Variants in NEGR1 observed in about 807,000 individuals in gnomAD.
NEGR1 encodes the protein neuronal growth regulator 1.
A neutral mutation model predicts 40.9 loss-of-function variants in NEGR1; 10 were observed. The observed-to-expected ratio is 0.24, with a 90% CI of 0.15 to 0.42. NEGR1 has a LOEUF of 0.42. Among genes scored for constraint, NEGR1 ranks in the 10% least tolerant of loss-of-function variants. The pLI is 1.00. For synonymous variants in NEGR1, 185 were observed against 166.8 expected (o/e 1.11, Z -0.84); for missense variants, 352 against 438.9 (o/e 0.80, Z 1.77).
intron 1 of NEGR1, among the ~76,000 whole-genome samples, chr1:72,164,003 T>C (rs753430134): frequency 4.0e-5 from 6 of 149,834 alleles, no homozygotes; most frequent in Non-Finnish European, 1.5e-5. Context: ...CTTGCATACA[T>C]CTTCAGACAA....
chr1:71,614,996 A>C (rs967475203), intron 4 of NEGR1, among the ~76,000 whole-genome samples: 3 of 152,206 alleles, frequency 2.0e-5, no homozygotes, highest in Non-Finnish European at 4.4e-5. Context: ...AATATGCATA[A>C]GAAAAAGTCC....
At chr1:71,807,483 A>G (rs894844331) in intron 2 of NEGR1, among the ~76,000 whole-genome samples, 2 of 152,216 alleles carry the variant, frequency 1.3e-5, no homozygotes, top group African/African-American at 4.8e-5. Flanking sequence ...AAACAGAAAT[A>G]GTAGACAGTG....
intron 6 of NEGR1, among the ~76,000 whole-genome samples, chr1:71,513,708 C>T (rs1647093579): frequency 6.6e-6 from 1 of 152,136 alleles, no homozygotes; most frequent in Admixed American, 6.6e-5. Flanking sequence ...AGAGGAGGAG[C>T]CAAGATGGCC....
At chr1:72,182,111 T>C (rs1199875589) in intron 1 of NEGR1, among the ~76,000 whole-genome samples, 1 of 152,204 alleles carries the variant, frequency 6.6e-6, no homozygotes, top group Non-Finnish European at 1.5e-5. Flanking sequence ...ATATATTAAC[T>C]TGCTTTAGTA....
intron 2 of NEGR1, among the ~76,000 whole-genome samples, chr1:71,928,435 T>TGTGTGTATATATAC (rs1557439281): frequency 1.1e-4 from 9 of 80,118 alleles, no homozygotes; most frequent in Admixed American, 7.2e-4. Context: ...TATGTATATA[T>TGTGTGTATATATAC]ACACATATAT....
At chr1:71,543,174 G>GA (rs1287287524) in intron 6 of NEGR1, among the ~76,000 whole-genome samples, 1 of 151,518 alleles carries the variant, frequency 6.6e-6, no homozygotes, top group Non-Finnish European at 1.5e-5. Context: ...CTAGATAAAT[G>GA]AAAAAACACA....
intron 1 of NEGR1, among the ~76,000 whole-genome samples, chr1:72,020,852 T>C (rs1195145645): frequency 6.6e-6 from 1 of 152,196 alleles, no homozygotes; most frequent in Non-Finnish European, 1.5e-5. Flanking sequence ...TATATAATTA[T>C]AGTGGAAGAT....
At chr1:72,097,361 T>C (rs1175107486) in intron 1 of NEGR1, among the ~76,000 whole-genome samples, 2 of 152,128 alleles carry the variant, frequency 1.3e-5, no homozygotes, top group African/African-American at 4.8e-5. Flanking sequence ...GTATTAACTA[T>C]TGTTGTCAAT....
intron 4 of NEGR1, among the ~76,000 whole-genome samples, chr1:71,619,957 C>T (rs543964078): frequency 1.6e-4 from 24 of 152,124 alleles, no homozygotes; most frequent in Admixed American, 1.5e-3. Flanking sequence ...TCAATGGGAG[C>T]TTTAGTCATG....
At chr1:71,465,380 G>A (rs1646738856) in intron 6 of NEGR1, among the ~76,000 whole-genome samples, 1 of 152,078 alleles carries the variant, frequency 6.6e-6, no homozygotes, top group Non-Finnish European at 1.5e-5. Flanking sequence ...CAGTATCTGA[G>A]TGGTGTTGCA....
intron 1 of NEGR1, among the ~76,000 whole-genome samples, chr1:72,278,152 A>C (rs1246613626): frequency 1.3e-5 from 2 of 152,148 alleles, no homozygotes; most frequent in African/African-American, 4.8e-5. Flanking sequence ...TCATAGTAGG[A>C]TATCACATAA....
In NEGR1 at chr1:72,220,526, G is replaced by GTAC. The variant is rs567221901; in HGVS notation, c.176+61790_176+61792dup. ...AACATTGCTTTTCTAATTATTTGTG[G>GTAC]TACTGTACCAAAGAAAGAATGGGAA... On this transcript the variant is annotated intron_variant, in intron 1 of 6. Coordinates refer to ENST00000357731, the MANE Select transcript of NEGR1 (RefSeq NM_173808.3). 2.1e-3 allele frequency among the ~76,000 whole-genome samples: 321 copies of GTAC among 151,944 alleles called. 2 individuals are homozygous for GTAC. The highest frequency in any genetic ancestry group is 6.8e-3 in the Middle Eastern group (2 of 292).
intron 1 of NEGR1, among the ~76,000 whole-genome samples, chr1:72,091,248 T>C (rs76591421): frequency 0.037 from 5,690 of 152,258 alleles, 325 homozygotes; most frequent in African/African-American, 0.13. Flanking sequence ...TACATGGTCA[T>C]GCACATTATA....
At chr1:71,447,456 G>A (rs1320071510) in intron 6 of NEGR1, among the ~76,000 whole-genome samples, 1 of 152,166 alleles carries the variant, frequency 6.6e-6, no homozygotes, top group Non-Finnish European at 1.5e-5. Context: ...ATGCTATGAA[G>A]AATATGGTTG....
At chr1:71,464,325 TG>T (rs1421571600) in intron 6 of NEGR1, among the ~76,000 whole-genome samples, 1 of 152,098 alleles carries the variant, frequency 6.6e-6, no homozygotes, top group Admixed American at 6.6e-5. Flanking sequence ...AAGACTGCAA[TG>T]GCTTTTAGTT....
chr1:72,010,987 T>G (rs1037506289), intron 1 of NEGR1, among the ~76,000 whole-genome samples: 1 of 149,996 alleles, frequency 6.7e-6, no homozygotes, highest in African/African-American at 2.5e-5. Context: ...AATGGGAAAT[T>G]GAAAGGTGAT....
At chr1:72,125,394 T>G (rs1462018521) in intron 1 of NEGR1, among the ~76,000 whole-genome samples, 1 of 152,042 alleles carries the variant, frequency 6.6e-6, no homozygotes, top group Non-Finnish European at 1.5e-5. Context: ...TTCATAACAC[T>G]CTATCATTAC....
intron 2 of NEGR1, among the ~76,000 whole-genome samples, chr1:71,897,676 A>T (rs1015232558): frequency 2.6e-5 from 4 of 152,344 alleles, no homozygotes; most frequent in Middle Eastern, 3.4e-3. Context: ...CTAATGGTAT[A>T]AAAATCAAGA....
At chr1:71,573,714 A>G (rs1450321182) in intron 6 of NEGR1, among the ~76,000 whole-genome samples, 5 of 152,188 alleles carry the variant, frequency 3.3e-5, no homozygotes, top group Admixed American at 6.5e-5. Flanking sequence ...GTAGTCTCTT[A>G]TATTTTTTAG....
Sources: gnomAD v4.1 joint callset for allele counts (sites outside exome capture counted in the v4.1 genomes callset) on GRCh38, gnomAD v4.1.1 for gene constraint, MANE v1.5 for transcripts, NCBI Gene and HGNC (gene_info 2026-07-23, HGNC 2026-07-21) for gene names.